SHROOM3: variants seen among roughly 807,000 people sequenced by gnomAD.
SHROOM3 encodes protein Shroom3.
Under a neutral mutation model 138.6 loss-of-function variants are expected in SHROOM3, and 47 were observed. The ratio of observed to expected loss-of-function variants is 0.34; its 90% CI spans 0.27 to 0.43. The LOEUF is 0.43. SHROOM3 is among the 20% of genes least tolerant of loss of function. The pLI is 1.00. For synonymous variants in SHROOM3, 1,062 were observed against 1,063.3 expected, an observed-to-expected ratio of 1.00 and a Z score of 0.02; for missense variants, 2,491 against 2,596.5, an observed-to-expected ratio of 0.96 and a Z score of 0.88.
intron 1 of SHROOM3, among the ~76,000 whole-genome samples, chr4:76,468,395 A>G (rs1731291780): frequency 6.6e-6 from 1 of 152,178 alleles, no homozygotes; most frequent in African/African-American, 2.4e-5. Context: ...ATACAAAGAC[A>G]TTTCTGCAGG....
intron 2 of SHROOM3, among the ~76,000 whole-genome samples, chr4:76,666,617 T>A (rs920353701): frequency 2.0e-5 from 3 of 152,168 alleles, no homozygotes; most frequent in African/African-American, 7.2e-5. Context: ...AAAGAGGAAA[T>A]GCTAAGCAAA....
At chr4:76,553,582 G>A (rs923299406) in intron 1 of SHROOM3, among the ~76,000 whole-genome samples, 11 of 151,816 alleles carry the variant, frequency 7.2e-5, no homozygotes, top group African/African-American at 1.7e-4. Flanking sequence ...GGCCCACCTC[G>A]TGGTTTCAAG....
Position 76,754,527 on chromosome 4 carries a change from T to G in SHROOM3, c.4044T>G (p.Ala1348=), listed in dbSNP as rs918422709. The change falls in exon 7 of 11, where the codon GCT becomes GCG. Residue 1348 remains alanine, a synonymous_variant. Coordinates refer to ENST00000296043, the MANE Select transcript of SHROOM3 (RefSeq NM_020859.4). ...AAGGGCTGGTCACAGACACCAGGGC[T>G]GCACCCCTGACCCCAATTGGCACCC... The part of the protein sequence containing the change: ...GTQGLVTDTR[A]APLTPIGTPL... 3 of 1,613,548 alleles carry G rather than the reference T, an allele frequency of 1.9e-6. No individual in the cohort carries two copies. In the African/African-American group the frequency reaches 4.0e-5, roughly 22 times the overall value.
At chr4:76,622,182 AG>A (rs536775252) in intron 2 of SHROOM3, among the ~76,000 whole-genome samples, 76 of 152,092 alleles carry the variant, frequency 5.0e-4, no homozygotes, top group Middle Eastern at 3.4e-3. Flanking sequence ...TAGTCGTGCT[AG>A]GGGCACTCCT....
intron 2 of SHROOM3, among the ~76,000 whole-genome samples, chr4:76,693,202 G>A (rs1343866318): frequency 6.6e-6 from 1 of 152,086 alleles, no homozygotes; most frequent in Non-Finnish European, 1.5e-5. Context: ...CTCAGTAAAT[G>A]TCAACTACTA....
intron 1 of SHROOM3, among the ~76,000 whole-genome samples, chr4:76,493,217 T>G (rs1579191921): frequency 1.1e-5 from 1 of 92,852 alleles, no homozygotes; most frequent in East Asian, 3.4e-4. Flanking sequence ...GGAGTGAAAC[T>G]CCATCTCAAA....
chr4:76,637,805 C>T (rs1328178612), intron 2 of SHROOM3: 4 of 152,174 alleles, frequency 2.6e-5, no homozygotes, highest in African/African-American at 9.7e-5. Context: ...GATTATGAAC[C>T]AAAACCAAGG....
intron 2 of SHROOM3, among the ~76,000 whole-genome samples, chr4:76,668,035 A>C: frequency 6.8e-6 from 1 of 148,068 alleles, no homozygotes; most frequent in African/African-American, 2.5e-5. Context: ...GGGAGCACAT[A>C]ATGTCACGCC....
At chr4:76,668,574 AAAAC>A (rs71212439) in intron 2 of SHROOM3, among the ~76,000 whole-genome samples, 6,438 of 152,164 alleles carry the variant, frequency 0.042, 235 homozygotes, top group Admixed American at 0.12. Context: ...ACTCCGCCTC[AAAAC>A]AAACAAACAA....
At chr4:76,661,092 T>C (rs1013832894) in intron 2 of SHROOM3, among the ~76,000 whole-genome samples, 9 of 152,204 alleles carry the variant, frequency 5.9e-5, no homozygotes, top group Admixed American at 3.9e-4. Flanking sequence ...CCACTGTACC[T>C]GGCTTAATTT....
chr4:76,504,030 CAAG>C lies in SHROOM3; in HGVS notation c.169-51578_169-51576del, dbSNP rs1423467024. Among the ~76,000 whole-genome samples the C allele has an allele frequency of 2.0e-5, 3 of 152,206 alleles. No homozygotes were observed. In the East Asian group the frequency reaches 5.8e-4, roughly 29 times the overall value. ...AACTCCATGAACAAAAAGGAACAAA[CAAG>C]GACCTGAACCGAAGAAGTGCCAGTA... is the stretch of plus-strand genomic sequence containing the variant. On this transcript the variant is annotated intron_variant, in intron 1 of 10. Coordinates refer to ENST00000296043, the MANE Select transcript of SHROOM3 (RefSeq NM_020859.4).
intron 1 of SHROOM3, among the ~76,000 whole-genome samples, chr4:76,478,908 C>G (rs942385701): frequency 6.6e-6 from 1 of 152,090 alleles, no homozygotes; most frequent in Non-Finnish European, 1.5e-5. Flanking sequence ...AGAAGGAAAA[C>G]TAATAAACAG....
At chr4:76,601,538 T>C (rs1313256422) in intron 2 of SHROOM3, among the ~76,000 whole-genome samples, 1 of 152,216 alleles carries the variant, frequency 6.6e-6, no homozygotes, top group Non-Finnish European at 1.5e-5. Context: ...TTTTTATTTA[T>C]TTATCGTCCA....
At chr4:76,492,710 A>G (rs1331779664) in intron 1 of SHROOM3, among the ~76,000 whole-genome samples, 4 of 152,212 alleles carry the variant, frequency 2.6e-5, no homozygotes, top group African/African-American at 9.6e-5. Flanking sequence ...ATGTTTGAAT[A>G]AATCATGCAT....
At chr4:76,647,191 CAT>C (rs1735841625) in intron 2 of SHROOM3, among the ~76,000 whole-genome samples, 1 of 152,120 alleles carries the variant, frequency 6.6e-6, no homozygotes, top group African/African-American at 2.4e-5. Flanking sequence ...TGTTTTCACT[CAT>C]ATGTGGGGGC....
At chr4:76,649,341 G>A (rs926470847) in intron 2 of SHROOM3, among the ~76,000 whole-genome samples, 1 of 152,112 alleles carries the variant, frequency 6.6e-6, no homozygotes, top group African/African-American at 2.4e-5. Context: ...CTGGAGCAGT[G>A]GGGATTAAAA....
intron 1 of SHROOM3, among the ~76,000 whole-genome samples, chr4:76,439,644 G>T (rs1439128359): frequency 6.6e-6 from 1 of 152,090 alleles, no homozygotes; most frequent in African/African-American, 2.4e-5. Flanking sequence ...TCCCAAGTTA[G>T]GGTGACCCTC....
chr4:76,633,318 G>A (rs1299213716), intron 2 of SHROOM3, among the ~76,000 whole-genome samples: 30 of 119,438 alleles, frequency 2.5e-4, no homozygotes, highest in African/African-American at 9.3e-4. Flanking sequence ...GGGGGACAGA[G>A]TAAGACTCAG....
chr4:76,435,960 CT>C lies in SHROOM3; in HGVS notation c.-92del. The C allele has an allele frequency of 7.1e-7, 1 of 1,410,282 alleles. No homozygotes were observed. The allele number at this position is 1,410,282 out of a possible 1,614,324, so 87.4% of individuals were successfully genotyped here. ...ACCTCTCTTTTGGCCATTGTGTGTC[CT>C]GAAGGATGGGACAACTTGTGCTGTA... On this transcript the variant is annotated 5_prime_UTR_variant, in exon 1 of 11. An upstream open reading frame in the 5' UTR loses its in-frame stop. Coordinates refer to ENST00000296043, the MANE Select transcript of SHROOM3 (RefSeq NM_020859.4).
Sources: gnomAD v4.1 joint callset for allele counts (sites outside exome capture counted in the v4.1 genomes callset) on GRCh38, gnomAD v4.1.1 for gene constraint, MANE v1.5 for transcripts, NCBI Gene and HGNC (gene_info 2026-07-23, HGNC 2026-07-21) for gene names.